Variants in SPOCK3 observed in about 807,000 individuals in gnomAD.
The protein encoded by SPOCK3 is SPARC (osteonectin), cwcv and kazal like domains proteoglycan 3.
A neutral mutation model predicts 56.6 loss-of-function variants in SPOCK3; 30 were observed. The ratio of observed to expected loss-of-function variants is 0.53; its 90% CI spans 0.40 to 0.72. The LOEUF is 0.72. Among genes scored for constraint, SPOCK3 ranks in the 30% least tolerant of loss-of-function variants. The probability of loss-of-function intolerance (pLI) is 0.00; values close to 1 mark genes in which losing one functional copy is unlikely to be tolerated. For missense variants in SPOCK3, 527 were observed against 530.0 expected (o/e 0.99, Z 0.06); for synonymous variants, 196 against 183.3 (o/e 1.07, Z -0.56).
At chr4:167,104,232 AC>A (rs1465457249) in intron 2 of SPOCK3, among the ~76,000 whole-genome samples, 1 of 152,150 alleles carries the variant, frequency 6.6e-6, no homozygotes, top group Non-Finnish European at 1.5e-5. Context: ...TACAAAACGA[AC>A]TAAATAAGGC....
chr4:166,998,869 A>T (rs1438857916), intron 4 of SPOCK3, among the ~76,000 whole-genome samples: 1 of 151,310 alleles, frequency 6.6e-6, no homozygotes, highest in Non-Finnish European at 1.5e-5. Context: ...TTTTTATTTC[A>T]CCCCCTATAT....
intron 2 of SPOCK3, among the ~76,000 whole-genome samples, chr4:167,167,399 A>T (rs1275411870): frequency 2.0e-5 from 3 of 152,170 alleles, no homozygotes; most frequent in Non-Finnish European, 4.4e-5. Flanking sequence ...ATTATAAGAC[A>T]TGATTTAAAA....
At chr4:167,231,478 C>T (rs573694616) in intron 2 of SPOCK3, among the ~76,000 whole-genome samples, 2 of 152,010 alleles carry the variant, frequency 1.3e-5, no homozygotes, top group African/African-American at 4.8e-5. Context: ...GTTTCTTTGC[C>T]CTCATATAAA....
intron 4 of SPOCK3, among the ~76,000 whole-genome samples, chr4:166,938,980 C>CAG (rs1176882770): frequency 6.0e-5 from 9 of 151,092 alleles, no homozygotes; most frequent in South Asian, 2.1e-4. Flanking sequence ...CACACACACA[C>CAG]AGATTCTCTT....
chr4:166,737,387 T>C, intron 10 of SPOCK3, 80 bp downstream of exon 10: 2 of 1,451,958 alleles, frequency 1.4e-6, no homozygotes, highest in Non-Finnish European at 1.9e-6. Flanking sequence ...CCTCATTAAA[T>C]GCTTGAACAA....
At chr4:167,095,920 A>G (rs1759108505) in intron 2 of SPOCK3, among the ~76,000 whole-genome samples, 1 of 151,968 alleles carries the variant, frequency 6.6e-6, no homozygotes, top group African/African-American at 2.4e-5. Context: ...GAAACACAGC[A>G]TACAAGGATA....
chr4:167,018,267 T>C (rs17052753), intron 3 of SPOCK3, among the ~76,000 whole-genome samples: 1,833 of 152,250 alleles, frequency 0.012, 41 homozygotes, highest in African/African-American at 0.042. Flanking sequence ...TATTTCCTTT[T>C]CTCACATAAA....
chr4:166,974,224 C>T (rs946692547), intron 4 of SPOCK3, among the ~76,000 whole-genome samples: 7 of 152,032 alleles, frequency 4.6e-5, no homozygotes, highest in African/African-American at 1.7e-4. Flanking sequence ...CCTCATCATG[C>T]AAAATCCTCT....
chr4:166,741,895 T>C (rs1734879363), intron 9 of SPOCK3, 102 bp downstream of exon 9: 1 of 819,510 alleles, frequency 1.2e-6, no homozygotes, highest in African/African-American at 1.7e-5. Context: ...TGAAATTTAG[T>C]GCAGTCTATC....
intron 4 of SPOCK3, among the ~76,000 whole-genome samples, chr4:166,993,319 G>A (rs1181596761): frequency 6.6e-6 from 1 of 152,122 alleles, no homozygotes; most frequent in African/African-American, 2.4e-5. Flanking sequence ...GGCGTCTAGT[G>A]CCTATGAATC....
chr4:166,794,863 G>A (rs960319574), intron 6 of SPOCK3, among the ~76,000 whole-genome samples: 15 of 151,864 alleles, frequency 9.9e-5, no homozygotes, highest in Non-Finnish European at 2.2e-4. Context: ...GGCTTGTCTC[G>A]AACTCCTGAC....
At chr4:166,919,912 A>G (rs1380986502) in intron 4 of SPOCK3, among the ~76,000 whole-genome samples, 3 of 152,204 alleles carry the variant, frequency 2.0e-5, no homozygotes, top group Non-Finnish European at 4.4e-5. Context: ...TTTAAGAACT[A>G]AACCAAGTAT....
chr4:166,922,893 T>C (rs1341754161), intron 4 of SPOCK3, among the ~76,000 whole-genome samples: 1 of 152,200 alleles, frequency 6.6e-6, no homozygotes, highest in Non-Finnish European at 1.5e-5. Context: ...GTTTTTCCTT[T>C]CGTTAGATCA....
chr4:167,025,157 G>A (rs1226671709), intron 3 of SPOCK3, among the ~76,000 whole-genome samples: 1 of 150,820 alleles, frequency 6.6e-6, no homozygotes, highest in African/African-American at 2.4e-5. Flanking sequence ...ATCATTTTCT[G>A]CTCATGTTCT....
chr4:167,175,376 A>C (rs765736543), intron 2 of SPOCK3, among the ~76,000 whole-genome samples: 2 of 152,160 alleles, frequency 1.3e-5, no homozygotes, highest in African/African-American at 4.8e-5. Flanking sequence ...ATCCTTAGAT[A>C]CTTTTTGTTT....
intron 6 of SPOCK3, among the ~76,000 whole-genome samples, chr4:166,817,610 C>T (rs910387050): frequency 5.9e-5 from 9 of 152,022 alleles, no homozygotes; most frequent in African/African-American, 2.2e-4. Context: ...CTGGTCAACA[C>T]TTCCTCATCC....
intron 3 of SPOCK3, among the ~76,000 whole-genome samples, chr4:167,011,473 TGTTA>T (rs1431900909): frequency 3.9e-5 from 6 of 152,222 alleles, no homozygotes; most frequent in African/African-American, 1.4e-4. Context: ...TTCAAATCTT[TGTTA>T]TTTATTACAA....
intron 2 of SPOCK3, among the ~76,000 whole-genome samples, chr4:167,070,803 T>A (rs571591258): frequency 6.6e-6 from 1 of 152,070 alleles, no homozygotes; most frequent in African/African-American, 2.4e-5. Context: ...AATACATGAT[T>A]TGATCACAAA....
intron 2 of SPOCK3, among the ~76,000 whole-genome samples, chr4:167,136,684 T>C (rs929685042): frequency 6.6e-6 from 1 of 152,138 alleles, no homozygotes; most frequent in African/African-American, 2.4e-5. Context: ...ACAAGAAATC[T>C]GAGAAATATT....
Sources: gnomAD v4.1 joint callset for allele counts (sites outside exome capture counted in the v4.1 genomes callset) on GRCh38, gnomAD v4.1.1 for gene constraint, MANE v1.5 for transcripts, NCBI Gene and HGNC (gene_info 2026-07-23, HGNC 2026-07-21) for gene names.